The following MAST4 variants were observed in gnomAD, a reference collection of about 807,000 sequenced individuals.
MAST4 encodes the protein microtubule associated serine/threonine kinase family member 4.
In MAST4, 89 loss-of-function variants were observed where a neutral mutation model predicts 162.7. That is an observed-to-expected ratio of 0.55 (90% confidence interval 0.46 to 0.65). The LOEUF (loss-of-function observed/expected upper bound fraction) is 0.65, where lower values mean the gene tolerates loss of function less well. MAST4 is among the 30% of genes least tolerant of loss of function. The pLI is 0.00. For synonymous variants in MAST4, 1,479 were observed against 1,361.1 expected (o/e 1.09, Z -1.91); for missense variants, 3,153 against 3,374.0 (o/e 0.93, Z 1.62).
intron 11 of MAST4, among the ~76,000 whole-genome samples, chr5:67,112,290 A>C (rs1260413214): frequency 3.9e-5 from 6 of 152,182 alleles, no homozygotes; most frequent in Non-Finnish European, 8.8e-5. Context: ...GTGCTCTCAC[A>C]ACATGATTCT....
intron 4 of MAST4, among the ~76,000 whole-genome samples, chr5:66,933,969 G>A (rs1454435829): frequency 1.3e-5 from 2 of 151,976 alleles, no homozygotes; most frequent in Non-Finnish European, 2.9e-5. Flanking sequence ...TGAGATTACA[G>A]GCATGAGCCA....
At chr5:66,802,856 C>T (rs910390366) in intron 3 of MAST4, among the ~76,000 whole-genome samples, 2 of 152,078 alleles carry the variant, frequency 1.3e-5, no homozygotes, top group African/African-American at 4.8e-5. Flanking sequence ...TTAGAATGAC[C>T]ACTGTGTAAT....
intron 1 of MAST4, among the ~76,000 whole-genome samples, chr5:66,624,503 C>A (rs901527878): frequency 6.6e-6 from 1 of 151,256 alleles, no homozygotes; most frequent in African/African-American, 2.4e-5. Flanking sequence ...TAATTCCTAT[C>A]AAACTCTCAA....
intron 1 of MAST4, among the ~76,000 whole-genome samples, chr5:66,739,855 T>G (rs1752386025): frequency 6.6e-6 from 1 of 151,950 alleles, no homozygotes; most frequent in Admixed American, 6.6e-5. Context: ...TGTTTTTTTT[T>G]TTTTTTTCAT....
intron 1 of MAST4, among the ~76,000 whole-genome samples, chr5:66,663,749 T>G (rs1204242219): frequency 6.6e-6 from 1 of 152,190 alleles, no homozygotes; most frequent in African/African-American, 2.4e-5. Context: ...TTTTAGAACT[T>G]TGCTTTTTAT....
intron 4 of MAST4, among the ~76,000 whole-genome samples, chr5:66,985,219 T>C (rs1160757353): frequency 1.3e-5 from 2 of 152,048 alleles, no homozygotes; most frequent in Non-Finnish European, 2.9e-5. Flanking sequence ...TGGTCTTCTG[T>C]GTGGAGTGAT....
rs909215383 is a variant in MAST4, at chr5:67,090,456, C to G, written c.833+225C>G. On this transcript the variant is annotated intron_variant, in intron 6 of 28. Transcript: ENST00000403625. ...CCCCTCCCCCTCCCCGCTTCTCCCCCTCCCCGCTTCTCCCCCTCCCCTGCT... is the reference window on the plus strand; with the variant it reads ...CCCCTCCCCCTCCCCGCTTCTCCCCGTCCCCGCTTCTCCCCCTCCCCTGCT... Among the ~76,000 whole-genome samples, 27 of 110,020 alleles carry G rather than the reference C, an allele frequency of 2.5e-4. 1 individual carries two copies. The East Asian group carries it at 3.1e-3, about 13-fold the overall frequency. 72.2% of individuals were successfully genotyped at this position (110,020 alleles called of 152,430 possible).
chr5:66,956,602 G>A (rs1203821222), intron 4 of MAST4, among the ~76,000 whole-genome samples: 1 of 152,206 alleles, frequency 6.6e-6, no homozygotes, highest in African/African-American at 2.4e-5. Context: ...CAAGATTACT[G>A]CAGCAGTTCT....
intron 9 of MAST4, among the ~76,000 whole-genome samples, chr5:67,103,158 G>C (rs1181100404): frequency 6.6e-6 from 1 of 152,180 alleles, no homozygotes; most frequent in Non-Finnish European, 1.5e-5. Flanking sequence ...TGAATTGAGA[G>C]AGCAATTGTG....
At chr5:66,671,482 C>G (rs1304521405) in intron 1 of MAST4, among the ~76,000 whole-genome samples, 1 of 152,130 alleles carries the variant, frequency 6.6e-6, no homozygotes, top group Non-Finnish European at 1.5e-5. Flanking sequence ...GGAACTGACT[C>G]CCATGTTTAC....
chr5:66,606,688 C>A (rs1261974941), intron 1 of MAST4, among the ~76,000 whole-genome samples: 1 of 152,142 alleles, frequency 6.6e-6, no homozygotes, highest in South Asian at 2.1e-4. Flanking sequence ...TCGTGAATCT[C>A]TCCCACTGGT....
intron 1 of MAST4, among the ~76,000 whole-genome samples, chr5:66,627,634 G>A (rs560540540): frequency 2.0e-5 from 3 of 152,080 alleles, no homozygotes; most frequent in African/African-American, 7.2e-5. Context: ...ATTAATGACT[G>A]CCATCTTTCT....
chr5:66,706,465 C>T (rs1750132944), intron 1 of MAST4, among the ~76,000 whole-genome samples: 1 of 151,942 alleles, frequency 6.6e-6, no homozygotes, highest in African/African-American at 2.4e-5. Context: ...TCATAAGACA[C>T]ATTATCCTAT....
At chr5:66,876,166 A>G (rs778470416) in intron 3 of MAST4, among the ~76,000 whole-genome samples, 1 of 152,216 alleles carries the variant, frequency 6.6e-6, no homozygotes, top group Non-Finnish European at 1.5e-5. Flanking sequence ...TTACCCCCAG[A>G]GTGTCGTTTA....
chr5:67,086,579 A>G (rs1763263791), intron 5 of MAST4, among the ~76,000 whole-genome samples: 1 of 152,232 alleles, frequency 6.6e-6, no homozygotes, highest in African/African-American at 2.4e-5. Context: ...CAGAAACATC[A>G]GCAGCGATAC....
chr5:66,760,139 T>G (rs1423153946), intron 2 of MAST4, among the ~76,000 whole-genome samples: 1 of 150,194 alleles, frequency 6.7e-6, no homozygotes, highest in Non-Finnish European at 1.5e-5. Context: ...TGAGACAGAG[T>G]CTCGCTCCGT....
At chr5:67,033,154 T>C (rs1755559000) in intron 4 of MAST4, among the ~76,000 whole-genome samples, 1 of 151,742 alleles carries the variant, frequency 6.6e-6, no homozygotes, top group Non-Finnish European at 1.5e-5. Context: ...AATTAGTTCT[T>C]ACTGTGAACA....
intron 1 of MAST4, among the ~76,000 whole-genome samples, chr5:66,753,396 ACCG>A (rs1753313435): frequency 1.3e-5 from 2 of 151,676 alleles, no homozygotes; most frequent in African/African-American, 4.8e-5. Flanking sequence ...AAATTGATAG[ACCG>A]CTAGCAAGAC....
At chr5:66,963,563 C>T in intron 4 of MAST4, 1 of 568,342 alleles carries the variant, frequency 1.8e-6, no homozygotes, top group East Asian at 2.9e-5. Flanking sequence ...CTGAAAAGGG[C>T]AAGTGATTAG....
Sources: allele counts gnomAD v4.1 joint callset (sites outside exome capture counted in the v4.1 genomes callset), GRCh38; gene constraint gnomAD v4.1.1; transcripts MANE v1.5; gene names NCBI Gene and HGNC (gene_info 2026-07-23, HGNC 2026-07-21).